Variants in ACVR2A observed in about 807,000 individuals in gnomAD.
ACVR2A encodes the protein activin receptor type-2A.
In ACVR2A, 7 loss-of-function variants were observed where a neutral mutation model predicts 61.4. The observed-to-expected ratio is 0.11, with a 90% CI of 0.06 to 0.21. ACVR2A has a LOEUF of 0.21. ACVR2A is among the 10% of genes least tolerant of loss of function. ACVR2A has a pLI of 1.00. For missense variants in ACVR2A, 322 were observed against 621.7 expected (o/e 0.52, Z 5.13); for synonymous variants, 193 against 208.3 (o/e 0.93, Z 0.63).
chr2:147,854,777 A>G (rs1685528873), intron 1 of ACVR2A, among the ~76,000 whole-genome samples: 1 of 152,238 alleles, frequency 6.6e-6, no homozygotes, highest in African/African-American at 2.4e-5. Context: ...CAAATGAACA[A>G]CATAATTACA....
intron 1 of ACVR2A, among the ~76,000 whole-genome samples, chr2:147,890,453 A>G (rs557298259): frequency 6.6e-6 from 1 of 152,172 alleles, no homozygotes; most frequent in African/African-American, 2.4e-5. Context: ...TATTCTCAAA[A>G]TAAACTTTTC....
intron 1 of ACVR2A, among the ~76,000 whole-genome samples, chr2:147,847,932 A>G (rs548486534): frequency 4.6e-5 from 7 of 152,294 alleles, no homozygotes; most frequent in Admixed American, 1.3e-4. Flanking sequence ...TTATGCAGCT[A>G]TTGTGGTATT....
chr2:147,861,733 T>C (rs1165268037), intron 1 of ACVR2A, among the ~76,000 whole-genome samples: 1 of 152,160 alleles, frequency 6.6e-6, no homozygotes, highest in Non-Finnish European at 1.5e-5. Flanking sequence ...GCATTTTGGA[T>C]AAGGGATATT....
At chr2:147,868,804 AT>A (rs964117997) in intron 1 of ACVR2A, among the ~76,000 whole-genome samples, 7 of 150,778 alleles carry the variant, frequency 4.6e-5, no homozygotes, top group African/African-American at 1.7e-4. Flanking sequence ...TAATTTTTTA[AT>A]TTTTTTTGTA....
intron 1 of ACVR2A, among the ~76,000 whole-genome samples, chr2:147,879,665 T>A (rs754268009): frequency 5.3e-5 from 8 of 152,222 alleles, no homozygotes; most frequent in Non-Finnish European, 1.2e-4. Context: ...TGGAAAGGCC[T>A]GTAAGATTTG....
intron 1 of ACVR2A, among the ~76,000 whole-genome samples, chr2:147,873,566 A>G (rs1308648599): frequency 6.6e-6 from 1 of 151,896 alleles, no homozygotes; most frequent in African/African-American, 2.4e-5. Context: ...TGATGATGCC[A>G]GGAAATTGGG....
chr2:147,900,025 C>A, intron 4 of ACVR2A, 127 bp downstream of exon 4: 1 of 1,045,730 alleles, frequency 9.6e-7, no homozygotes, highest in Non-Finnish European at 1.4e-6. Flanking sequence ...TGTTTATTGT[C>A]ATGAGAACTC....
intron 1 of ACVR2A, among the ~76,000 whole-genome samples, chr2:147,849,648 T>G (rs1318361145): frequency 1.3e-5 from 2 of 152,186 alleles, no homozygotes; most frequent in Non-Finnish European, 1.5e-5. Flanking sequence ...GGAGTTAACC[T>G]AGCCAACCAA....
intron 1 of ACVR2A, among the ~76,000 whole-genome samples, chr2:147,860,218 A>G (rs1265891933): frequency 6.6e-6 from 1 of 152,120 alleles, no homozygotes; most frequent in Non-Finnish European, 1.5e-5. Context: ...TAGAAATAGC[A>G]CAGAATTGAG....
intron 1 of ACVR2A, among the ~76,000 whole-genome samples, chr2:147,882,480 G>A (rs1007262689): frequency 1.1e-4 from 16 of 152,196 alleles, no homozygotes; most frequent in Admixed American, 6.5e-5. Context: ...GAACCTGGGA[G>A]GCAGAGGTTG....
rs1687574080 is a variant in ACVR2A at position 147,928,851 on chromosome 2, T to C, written c.*1577T>C. The C allele has an allele frequency of 6.6e-6, 1 of 152,410 alleles. No homozygotes were observed. Among genetic ancestry groups the C allele is most frequent in the South Asian group, 2.1e-4 (1 of 4,828 alleles). The allele number at this position is 152,410 out of a possible 1,614,324, so 9.4% of individuals were successfully genotyped here. A position where few individuals can be genotyped will look rare whatever the true frequency, so the allele number is the denominator to read the frequency against. The stretch of plus-strand genomic sequence containing the variant: ...TCTGAATTTCCAGATTACCAATCAA[T>C]TAATCAACAAATAGCCAGTATTATG... On this transcript the variant is annotated 3_prime_UTR_variant, in exon 11 of 11. Coordinates refer to ENST00000241416, the MANE Select transcript of ACVR2A (RefSeq NM_001616.5).
chr2:147,891,057 G>C (rs1325779391), intron 1 of ACVR2A, among the ~76,000 whole-genome samples: 1 of 152,000 alleles, frequency 6.6e-6, no homozygotes, highest in African/African-American at 2.4e-5. Flanking sequence ...CTTTTTTCTA[G>C]ACTAGGATGG....
At chr2:147,861,312 A>T (rs1007410455) in intron 1 of ACVR2A, among the ~76,000 whole-genome samples, 1 of 152,168 alleles carries the variant, frequency 6.6e-6, no homozygotes, top group Non-Finnish European at 1.5e-5. Flanking sequence ...TTTGTTTAGG[A>T]TGCAAGTAGT....
intron 1 of ACVR2A, among the ~76,000 whole-genome samples, chr2:147,858,262 T>G (rs10803523): frequency 0.33 from 50,183 of 152,074 alleles, 8,560 homozygotes; most frequent in East Asian, 0.52. Context: ...ATACAGTTAT[T>G]TTTTTCAAGG....
intron 4 of ACVR2A, among the ~76,000 whole-genome samples, chr2:147,900,935 C>A (rs1322978942): frequency 1.3e-5 from 2 of 152,136 alleles, no homozygotes; most frequent in East Asian, 3.9e-4. Flanking sequence ...TCAGCGCTTG[C>A]AGCAATCTGT....
chr2:147,906,818 ATT>A (rs369876665), intron 4 of ACVR2A, among the ~76,000 whole-genome samples: 1,930 of 123,386 alleles, frequency 0.016, 44 homozygotes, highest in African/African-American at 0.053. Flanking sequence ...TATCAAGTCC[ATT>A]TTTTTTTTTT....
intron 1 of ACVR2A, among the ~76,000 whole-genome samples, chr2:147,895,453 T>A (rs375282929): frequency 1.3e-5 from 2 of 152,154 alleles, no homozygotes; most frequent in East Asian, 3.9e-4. Context: ...ATATTTTTCA[T>A]TGTGTTTAGT....
At chr2:147,887,968 C>G (rs1686484180) in intron 1 of ACVR2A, among the ~76,000 whole-genome samples, 1 of 152,158 alleles carries the variant, frequency 6.6e-6, no homozygotes, top group Admixed American at 6.5e-5. Context: ...AGGCTTTCTA[C>G]AAGAGCTGGG....
At chr2:147,926,251 C>G (rs1687497017) in intron 10 of ACVR2A, 90 bp downstream of exon 10, 1 of 1,475,044 alleles carries the variant, frequency 6.8e-7, no homozygotes, top group Non-Finnish European at 9.2e-7. Flanking sequence ...CTTTCTTCTG[C>G]AAGTATTTTC....
Sources: gnomAD v4.1 joint callset for allele counts (sites outside exome capture counted in the v4.1 genomes callset) on GRCh38, gnomAD v4.1.1 for gene constraint, MANE v1.5 for transcripts, NCBI Gene and HGNC (gene_info 2026-07-23, HGNC 2026-07-21) for gene names.